TTC13: variants seen among roughly 807,000 people sequenced by gnomAD.
The protein encoded by TTC13 is tetratricopeptide repeat domain 13.
Under a neutral mutation model 120.0 loss-of-function variants are expected in TTC13, and 62 were observed. The ratio of observed to expected loss-of-function variants is 0.52; its 90% CI spans 0.42 to 0.64. The LOEUF (loss-of-function observed/expected upper bound fraction) is 0.64, where lower values mean the gene tolerates loss of function less well. Ranked by LOEUF, TTC13 falls within the 30% of genes least tolerant of loss-of-function variation. The pLI is 0.00. For synonymous variants in TTC13, 384 were observed against 393.5 expected, an observed-to-expected ratio of 0.98 and a Z score of 0.28; for missense variants, 824 against 1,050.2, an observed-to-expected ratio of 0.78 and a Z score of 2.98.
intron 13 of TTC13, 52 bp from the exon 14 acceptor site, chr1:230,925,025 T>A (rs1299055049): frequency 6.2e-7 from 1 of 1,604,222 alleles, no homozygotes; most frequent in Non-Finnish European, 8.5e-7. Context: ...GGGACTGAGT[T>A]CCACCTACTT....
At chr1:230,936,355 A>G in intron 8 of TTC13, 2 of 409,270 alleles carry the variant, frequency 4.9e-6, no homozygotes, top group Non-Finnish European at 9.7e-6. Context: ...AAGCATATGA[A>G]CTGGCTCTGA....
At position 230,933,855 on chromosome 1, in the gene TTC13, T is replaced by A. The variant is rs758340007; in HGVS notation, c.907A>T (p.Ile303Phe). The A allele has an allele frequency of 6.3e-7, 1 of 1,590,302 alleles. No homozygotes were observed. Among genetic ancestry groups the A allele is most frequent in the South Asian group, 1.1e-5 (1 of 87,694 alleles). The change falls in exon 9 of 23, where the codon ATT (isoleucine) becomes TTT (phenylalanine). Residue 303 changes from isoleucine (I) to phenylalanine (F), a missense_variant. Ile to Phe is a conservative substitution (Grantham distance 21). This residue lies in a region of TTC13 where 430 missense variants were observed against 626.8 expected (regional missense o/e 0.69). Transcript: ENST00000366661. ...TTCAAAGCTTCTTTGAAGGATTCAATAGCTTCCTATAAAAAGTGTAGAGAA... is the reference window on the plus strand; with the variant it reads ...TTCAAAGCTTCTTTGAAGGATTCAAAAGCTTCCTATAAAAAGTGTAGAGAA... The part of the protein sequence containing the change: ...FFHRGLLKEA[I>F]ESFKEALKQK...
intron 8 of TTC13, chr1:230,936,083 A>T: frequency 4.6e-6 from 2 of 432,440 alleles, no homozygotes; most frequent in Non-Finnish European, 9.3e-6. Context: ...TAACGAGCCC[A>T]TCGGGGCGTG....
intron 8 of TTC13, among the ~76,000 whole-genome samples, chr1:230,935,607 G>C (rs912717027): frequency 6.6e-6 from 1 of 152,112 alleles, no homozygotes; most frequent in Non-Finnish European, 1.5e-5. Flanking sequence ...GGAAAAGATG[G>C]GAGACCAGGC....
Position 230,943,323 on chromosome 1 carries a change from G to A in TTC13, c.672+483C>T, listed in dbSNP as rs1572239142. Among the ~76,000 whole-genome samples, 3 of 151,858 alleles carry A rather than the reference G, an allele frequency of 2.0e-5. No homozygotes were observed. The South Asian group carries it at 6.2e-4, about 32-fold the overall frequency. On this transcript the variant is annotated intron_variant, in intron 6 of 22. Coordinates refer to ENST00000366661, the MANE Select transcript of TTC13 (RefSeq NM_024525.5). ...TGCAGGTTTGTTACATAAAGACTTG[G>A]AACCAACCCAAATGTCCAACAACAA...
At chr1:230,948,355 T>C (rs981541467) in intron 4 of TTC13, among the ~76,000 whole-genome samples, 2 of 137,072 alleles carry the variant, frequency 1.5e-5, no homozygotes, top group African/African-American at 5.5e-5. Flanking sequence ...AATCTTGACT[T>C]GCCAATTAAT....
chr1:230,928,892 G>C, intron 12 of TTC13, 45 bp downstream of exon 12: 1 of 1,602,130 alleles, frequency 6.2e-7, no homozygotes, highest in Non-Finnish European at 8.5e-7. Flanking sequence ...TTATAGCTCA[G>C]TTTTGAGAAA....
At chr1:230,952,091 C>T (rs188844855) in intron 4 of TTC13, among the ~76,000 whole-genome samples, 2 of 152,276 alleles carry the variant, frequency 1.3e-5, no homozygotes, top group African/African-American at 4.8e-5. Flanking sequence ...CATTTAACAT[C>T]GAATCTTCGT....
chr1:230,911,676 T>A (rs1235437470), intron 19 of TTC13, 127 bp from the exon 20 acceptor site: 9 of 567,448 alleles, frequency 1.6e-5, no homozygotes, highest in Non-Finnish European at 2.6e-5. Flanking sequence ...CCCATAAGAA[T>A]CTACTTTTCA....
chr1:230,909,978 G>T (rs921715678), intron 20 of TTC13, among the ~76,000 whole-genome samples: 2 of 152,202 alleles, frequency 1.3e-5, no homozygotes, highest in Non-Finnish European at 1.5e-5. Context: ...GGTGGAAGGG[G>T]CTGGCAAAAG....
At chr1:230,959,385 CT>C (rs200290858) in intron 2 of TTC13, among the ~76,000 whole-genome samples, 341 of 147,116 alleles carry the variant, frequency 2.3e-3, no homozygotes, top group Middle Eastern at 0.014. Flanking sequence ...AAATCAAATT[CT>C]TTTTTTTTTT....
chr1:230,912,595 A>C (rs771140200), intron 19 of TTC13, 28 bp downstream of exon 19: 67 of 1,605,196 alleles, frequency 4.2e-5, no homozygotes, highest in Non-Finnish European at 4.6e-5. Context: ...TAGGAAGAGC[A>C]GAAAAATGGA....
Position 230,942,005 on chromosome 1 carries a change from C to T in TTC13, c.673-1449G>A, listed in dbSNP as rs975048632. ...TATAAATGGTATGTTATAATTTAGCCGGAAAATTCAGTATGTAGTAACATT... is the reference window on the plus strand; with the variant it reads ...TATAAATGGTATGTTATAATTTAGCTGGAAAATTCAGTATGTAGTAACATT... On this transcript the variant is annotated intron_variant, in intron 6 of 22. Transcript: ENST00000366661. The surrounding 1 kb of genome is among the most constrained non-coding windows in gnomAD (Gnocchi z 4.0). Among the ~76,000 whole-genome samples the T allele has an allele frequency of 5.9e-5, 9 of 151,904 alleles. No individual in the cohort carries two copies. Among genetic ancestry groups the T allele is most frequent in the African/African-American group, 1.9e-4 (8 of 41,328 alleles).
At chr1:230,938,869 G>A (rs965486264) in intron 8 of TTC13, among the ~76,000 whole-genome samples, 11 of 152,100 alleles carry the variant, frequency 7.2e-5, no homozygotes, top group Admixed American at 2.0e-4. Flanking sequence ...GCCCTCCACC[G>A]ACCTTCCAGC....
intron 1 of TTC13, among the ~76,000 whole-genome samples, chr1:230,969,264 A>C (rs866760827): frequency 6.7e-6 from 1 of 149,906 alleles, no homozygotes; most frequent in Non-Finnish European, 1.5e-5. Flanking sequence ...TCCATCTCAA[A>C]AAAAGAAAAG....
Position 230,942,830 on chromosome 1 carries a change from TCCTCCGACAG to T in TTC13, c.672+966_672+975del, listed in dbSNP as rs1014948027. Among the ~76,000 whole-genome samples the T allele has an allele frequency of 1.3e-5, 2 of 152,152 alleles. No homozygotes were observed. Among genetic ancestry groups the T allele is most frequent in the African/African-American group, 4.8e-5 (2 of 41,434 alleles). On this transcript the variant is annotated intron_variant, in intron 6 of 22. Transcript: ENST00000366661. The surrounding 1 kb of genome is among the most constrained non-coding windows in gnomAD (Gnocchi z 4.0). ...GGACTGGATCAGCTCTAGCCTCGCTTCCTCCGACAGCCTCAGCAAACACTCCCAACATTCC... is the reference window on the plus strand; with the variant it reads ...GGACTGGATCAGCTCTAGCCTCGCTTCCTCAGCAAACACTCCCAACATTCC...
intron 1 of TTC13, among the ~76,000 whole-genome samples, chr1:230,971,004 T>C (rs1324872816): frequency 6.6e-6 from 1 of 152,138 alleles, no homozygotes; most frequent in Non-Finnish European, 1.5e-5. Flanking sequence ...GGCTGTGTGG[T>C]ATCAACTTGT....
chr1:230,955,670 C>CAAA (rs34027679), intron 3 of TTC13, among the ~76,000 whole-genome samples: 32,016 of 105,160 alleles, frequency 0.3, 4,573 homozygotes, highest in South Asian at 0.39. Context: ...GACTCCATCT[C>CAAA]AAAAAAAAAA....
intron 14 of TTC13, 41 bp from the exon 15 acceptor site, chr1:230,923,974 A>C: frequency 6.7e-7 from 1 of 1,497,298 alleles, no homozygotes. Flanking sequence ...AGTGTTCAGA[A>C]GCATTCCAAA....
Sources: allele counts gnomAD v4.1 joint callset (sites outside exome capture counted in the v4.1 genomes callset), GRCh38; gene constraint gnomAD v4.1.1; regional missense constraint gnomAD v4.1.1; non-coding constraint Gnocchi (gnomAD v3.1); transcripts MANE v1.5; gene names NCBI Gene and HGNC (gene_info 2026-07-23, HGNC 2026-07-21).